ACBD6: variants seen among roughly 807,000 people sequenced by gnomAD.
ACBD6 encodes acyl-CoA binding domain containing 6, also known as acyl-CoA-binding domain-containing protein 6.
A neutral mutation model predicts 37.2 loss-of-function variants in ACBD6; 28 were observed. That is an observed-to-expected ratio of 0.75 (90% CI 0.56 to 1.03). The LOEUF (loss-of-function observed/expected upper bound fraction) is 1.03, where lower values mean the gene tolerates loss of function less well. Among genes scored for constraint, ACBD6 ranks in the 50% least tolerant of loss-of-function variants. ACBD6 has a pLI of 0.00. For missense variants in ACBD6, 340 were observed against 337.4 expected (o/e 1.01, Z -0.06); for synonymous variants, 113 against 126.8 (o/e 0.89, Z 0.73).
chr1:180,392,043 C>A (rs1654097260), intron 6 of ACBD6, among the ~76,000 whole-genome samples: 1 of 152,008 alleles, frequency 6.6e-6, no homozygotes, highest in African/African-American at 2.4e-5. Context: ...TAAGCTTAAT[C>A]CAAAAGTATA....
intron 3 of ACBD6, among the ~76,000 whole-genome samples, chr1:180,445,855 G>A (rs2102019508): frequency 6.6e-6 from 1 of 152,238 alleles, no homozygotes; most frequent in South Asian, 2.1e-4. Context: ...TGCCACAGAA[G>A]TGGCAGAATT....
At chr1:180,371,128 T>C (rs1480786555) in intron 6 of ACBD6, among the ~76,000 whole-genome samples, 1 of 152,036 alleles carries the variant, frequency 6.6e-6, no homozygotes, top group Non-Finnish European at 1.5e-5. Flanking sequence ...GACTGTATAG[T>C]AGCTCTGTGA....
chr1:180,457,325 TA>T (rs1279058057), intron 3 of ACBD6, among the ~76,000 whole-genome samples: 3 of 152,222 alleles, frequency 2.0e-5, no homozygotes, highest in African/African-American at 7.2e-5. Flanking sequence ...CTACATATGG[TA>T]AATCCTGCTT....
chr1:180,474,199 G>A (rs1650694285), intron 3 of ACBD6, among the ~76,000 whole-genome samples: 1 of 152,076 alleles, frequency 6.6e-6, no homozygotes, highest in Non-Finnish European at 1.5e-5. Context: ...AGAAATACAA[G>A]AAGAGATAGC....
chr1:180,375,385 G>A (rs1262752386), intron 6 of ACBD6, among the ~76,000 whole-genome samples: 1 of 152,130 alleles, frequency 6.6e-6, no homozygotes, highest in African/African-American at 2.4e-5. Context: ...GAGTGCAGTG[G>A]CACAATGACA....
At chr1:180,329,158 T>G (rs1371143794) in intron 6 of ACBD6, among the ~76,000 whole-genome samples, 1 of 152,220 alleles carries the variant, frequency 6.6e-6, no homozygotes, top group African/African-American at 2.4e-5. Flanking sequence ...ACTGATTATA[T>G]CCCTCAATTT....
At chr1:180,366,892 G>A (rs1056296563) in intron 6 of ACBD6, among the ~76,000 whole-genome samples, 3 of 152,102 alleles carry the variant, frequency 2.0e-5, no homozygotes, top group African/African-American at 7.2e-5. Context: ...AAACTATGAC[G>A]GCAACACAAT....
In ACBD6 at chr1:180,367,623, T is replaced by C. The variant is rs553417034; in HGVS notation, c.663+29893A>G. ...ATTCTCATTATATAGCTCCCACTTATAAATGAGAACGTGCAGTATTTGGTT... is the reference window on the plus strand; with the variant it reads ...ATTCTCATTATATAGCTCCCACTTACAAATGAGAACGTGCAGTATTTGGTT... On this transcript the variant is annotated intron_variant, in intron 6 of 7. Transcript: ENST00000367595. 5.9e-5 allele frequency among the ~76,000 whole-genome samples: 9 copies of C among 152,322 alleles called. No individual in the cohort carries two copies. In the East Asian group the frequency reaches 1.3e-3, roughly 23 times the overall value.
chr1:180,290,644 G>A (rs1350651299), intron 7 of ACBD6, among the ~76,000 whole-genome samples: 1 of 152,252 alleles, frequency 6.6e-6, no homozygotes, highest in African/African-American at 2.4e-5. Flanking sequence ...GGAGGAAGGA[G>A]GAGACTGAGG....
chr1:180,304,081 A>G (rs12022629), intron 7 of ACBD6, among the ~76,000 whole-genome samples: 8,575 of 150,952 alleles, frequency 0.057, 768 homozygotes, highest in East Asian at 0.3. Flanking sequence ...AACTCTCAAT[A>G]AATTAGGTAT....
intron 3 of ACBD6, among the ~76,000 whole-genome samples, chr1:180,482,207 T>C (rs1651079145): frequency 6.6e-6 from 1 of 152,184 alleles, no homozygotes; most frequent in Admixed American, 6.5e-5. Context: ...TAAATTTATC[T>C]ATCTTTCAAT....
intron 3 of ACBD6, among the ~76,000 whole-genome samples, chr1:180,483,814 A>T (rs1418989475): frequency 6.6e-6 from 1 of 152,230 alleles, no homozygotes; most frequent in Non-Finnish European, 1.5e-5. Flanking sequence ...ACTCAAATGT[A>T]ATCATTCTGC....
chr1:180,422,009 C>T (rs1007679940), intron 4 of ACBD6, among the ~76,000 whole-genome samples: 1 of 152,126 alleles, frequency 6.6e-6, no homozygotes, highest in Admixed American at 6.6e-5. Flanking sequence ...AGATCCTTCA[C>T]CTTCCTTTTG....
At chr1:180,307,990 C>T (rs1436946893) in intron 7 of ACBD6, among the ~76,000 whole-genome samples, 2 of 152,136 alleles carry the variant, frequency 1.3e-5, no homozygotes, top group East Asian at 1.9e-4. Context: ...GCTGAACTCT[C>T]TTGTTCCACT....
At chr1:180,343,808 G>A (rs74132463) in intron 6 of ACBD6, among the ~76,000 whole-genome samples, 7,907 of 152,212 alleles carry the variant, frequency 0.052, 662 homozygotes, top group African/African-American at 0.17. Flanking sequence ...GGTGGTTCAC[G>A]CCTGTAATCC....
At chr1:180,459,547 A>C (rs1442853788) in intron 3 of ACBD6, among the ~76,000 whole-genome samples, 2 of 152,326 alleles carry the variant, frequency 1.3e-5, no homozygotes, top group Middle Eastern at 3.4e-3. Context: ...TACTAGGACA[A>C]GGGCTCTCAC....
intron 3 of ACBD6, among the ~76,000 whole-genome samples, chr1:180,446,290 G>C (rs554249601): frequency 2.0e-5 from 3 of 151,762 alleles, no homozygotes; most frequent in South Asian, 4.2e-4. Flanking sequence ...TGAGATTACA[G>C]GTGTGAGCCA....
chr1:180,394,840 A>T (rs1190908783), intron 6 of ACBD6, among the ~76,000 whole-genome samples: 1 of 152,226 alleles, frequency 6.6e-6, no homozygotes, highest in African/African-American at 2.4e-5. Context: ...AGATGAGTTG[A>T]TAAAAACCAC....
intron 5 of ACBD6, among the ~76,000 whole-genome samples, chr1:180,399,471 T>C (rs1647254875): frequency 6.6e-6 from 1 of 152,192 alleles, no homozygotes; most frequent in Admixed American, 6.5e-5. Flanking sequence ...GGTTTCACCA[T>C]GTTGGCCAGG....
Sources: allele counts gnomAD v4.1 joint callset (sites outside exome capture counted in the v4.1 genomes callset), GRCh38; gene constraint gnomAD v4.1.1; transcripts MANE v1.5; gene names NCBI Gene and HGNC (gene_info 2026-07-23, HGNC 2026-07-21).